GABRA3: variants seen among roughly 807,000 people sequenced by gnomAD.
The protein encoded by GABRA3 is gamma-aminobutyric acid type A receptor subunit alpha3.
GABRA3 carries 10 observed loss-of-function variants against 30.1 expected under a neutral mutation model. The ratio of observed to expected loss-of-function variants is 0.33; its 90% CI spans 0.20 to 0.56. The LOEUF (loss-of-function observed/expected upper bound fraction) is 0.56, where lower values mean the gene tolerates loss of function less well. Among genes scored for constraint, GABRA3 ranks in the 20% least tolerant of loss-of-function variants. The pLI is 0.89. For synonymous variants in GABRA3, 151 were observed against 146.8 expected (o/e 1.03, Z -0.21); for missense variants, 233 against 392.0 (o/e 0.59, Z 3.42).
At chrX:152,307,838 G>A (rs918264872) in intron 3 of GABRA3, among the ~76,000 whole-genome samples, 1 of 111,989 alleles carries the variant, frequency 8.9e-6, no homozygotes, top group African/African-American at 3.2e-5. Flanking sequence ...AACTGGGGGA[G>A]AACCCATGAC....
chrX:152,171,447 A>C, intron 9 of GABRA3: 1 of 451,309 alleles, frequency 2.2e-6, no homozygotes, highest in Non-Finnish European at 2.8e-6. Context: ...GAAGGAAATC[A>C]AAGCAAAATT....
At chrX:152,178,483 T>G (rs2124332323) in intron 9 of GABRA3, among the ~76,000 whole-genome samples, 1 of 111,634 alleles carries the variant, frequency 9.0e-6, no homozygotes, top group South Asian at 3.7e-4. Flanking sequence ...GACAAGAAAC[T>G]AAGCTTTTCC....
At chrX:152,204,284 C>A (rs1446013952) in intron 7 of GABRA3, among the ~76,000 whole-genome samples, 3 of 111,637 alleles carry the variant, frequency 2.7e-5, no homozygotes, top group Non-Finnish European at 5.7e-5. Context: ...GGAACTGCTC[C>A]TTTTCAGTAT....
At chrX:152,184,711 T>C (rs1937230755) in intron 9 of GABRA3, among the ~76,000 whole-genome samples, 1 of 111,665 alleles carries the variant, frequency 9.0e-6, no homozygotes, top group Non-Finnish European at 1.9e-5. Flanking sequence ...CATTCTTCTA[T>C]AGCTATGTTA....
intron 1 of GABRA3, among the ~76,000 whole-genome samples, chrX:152,411,481 GAAAAAA>G (rs768869449): frequency 1.8e-5 from 2 of 111,622 alleles, no homozygotes; most frequent in Non-Finnish European, 3.8e-5. Context: ...AGAGAAAAAA[GAAAAAA>G]ATAATGAAGA....
At chrX:152,267,606 G>C (rs1268507037) in intron 4 of GABRA3, among the ~76,000 whole-genome samples, 1 of 110,994 alleles carries the variant, frequency 9.0e-6, no homozygotes, top group Non-Finnish European at 1.9e-5. Flanking sequence ...TTAAATGTTT[G>C]CTGGAATTAA....
chrX:152,324,932 G>C (rs1940028230), intron 3 of GABRA3, among the ~76,000 whole-genome samples: 1 of 111,693 alleles, frequency 9.0e-6, no homozygotes, highest in African/African-American at 3.3e-5. Context: ...AAGCCAAGTG[G>C]GCAATGCCAT....
intron 9 of GABRA3, 45 bp from the exon 10 acceptor site, chrX:152,168,608 A>G (rs750052585): frequency 2.0e-6 from 2 of 1,010,488 alleles, no homozygotes; most frequent in African/African-American, 1.9e-5. Flanking sequence ...AAAAAAGCAA[A>G]GCTAATTAAT....
At chrX:152,195,514 G>T in intron 8 of GABRA3, among the ~76,000 whole-genome samples, 1 of 112,167 alleles carries the variant, frequency 8.9e-6, no homozygotes, top group Non-Finnish European at 1.9e-5. Flanking sequence ...CCAGTGTCAA[G>T]GTGTCAGCAG....
intron 3 of GABRA3, among the ~76,000 whole-genome samples, chrX:152,303,884 G>A (rs1323798754): frequency 1.8e-5 from 2 of 110,957 alleles, no homozygotes; most frequent in East Asian, 2.9e-4. Context: ...CCTAGATGAC[G>A]GGTTGATAAG....
At position 152,318,558 on chromosome X, in the gene GABRA3, T is replaced by C. The variant is rs182179509; in HGVS notation, c.262+27023A>G. Among the ~76,000 whole-genome samples, 18 of 111,203 alleles carry C rather than the reference T, an allele frequency of 1.6e-4. 1 individual carries two copies. The highest frequency in any genetic ancestry group is 5.2e-4 in the African/African-American group (16 of 30,600). ...TACAGACCAATATCCATGATGAACATAGATGCAAAAATCCCTAACAAAATA... is the reference window on the plus strand; with the variant it reads ...TACAGACCAATATCCATGATGAACACAGATGCAAAAATCCCTAACAAAATA... On this transcript the variant is annotated intron_variant, in intron 3 of 9. Transcript: ENST00000370314.
chrX:152,396,278 G>A (rs561919978), intron 1 of GABRA3, among the ~76,000 whole-genome samples: 2 of 111,966 alleles, frequency 1.8e-5, no homozygotes, highest in African/African-American at 3.2e-5. Flanking sequence ...TGCTAGGCTC[G>A]AGAGAGAGCA....
chrX:152,204,130 G>C (rs1937513977), intron 7 of GABRA3, among the ~76,000 whole-genome samples: 1 of 111,224 alleles, frequency 9.0e-6, no homozygotes, highest in South Asian at 3.8e-4. Context: ...AGGAGAGGTA[G>C]GGGCAATGGA....
At chrX:152,445,585 T>A (rs1194323026) in intron 1 of GABRA3, among the ~76,000 whole-genome samples, 3 of 111,756 alleles carry the variant, frequency 2.7e-5, no homozygotes, top group Non-Finnish European at 5.6e-5. Context: ...ACCTTCAGAA[T>A]TCTGTATAAA....
intron 1 of GABRA3, among the ~76,000 whole-genome samples, chrX:152,445,683 A>G (rs750805194): frequency 1.8e-5 from 2 of 111,756 alleles, no homozygotes; most frequent in East Asian, 5.6e-4. Context: ...CATGAACTAT[A>G]GAACCTTACA....
chrX:152,419,605 T>C (rs1423323753), intron 1 of GABRA3, among the ~76,000 whole-genome samples: 1 of 111,730 alleles, frequency 9.0e-6, no homozygotes, highest in Admixed American at 9.5e-5. Flanking sequence ...TTAAAGAAAT[T>C]GAATCTATCA....
intron 1 of GABRA3, chrX:152,392,072 G>T (rs889558460): frequency 7.1e-5 from 17 of 240,660 alleles, no homozygotes; most frequent in Non-Finnish European, 1.3e-4. Context: ...TTAAATAGGA[G>T]AACTGGGATT....
At chrX:152,220,263 C>T (rs2124377518) in intron 6 of GABRA3, among the ~76,000 whole-genome samples, 1 of 111,626 alleles carries the variant, frequency 9.0e-6, no homozygotes, top group South Asian at 3.7e-4. Flanking sequence ...ATATTAAAGA[C>T]TTTTAACAGC....
rs948280177 is a variant in GABRA3, at chrX:152,301,102, A to T, written c.263-16367T>A. ...AATCAAACTGCTAAATACCAAAGTA[A>T]AGAAAGATCTTGAAAGAAGATATTG... On this transcript the variant is annotated intron_variant, in intron 3 of 9. Transcript: ENST00000370314. 5.4e-5 allele frequency among the ~76,000 whole-genome samples: 6 copies of T among 112,085 alleles called. 1 individual carries two copies. In the East Asian group the frequency reaches 1.4e-3, roughly 26 times the overall value.
Sources: allele counts gnomAD v4.1 joint callset (sites outside exome capture counted in the v4.1 genomes callset), GRCh38; gene constraint gnomAD v4.1.1; transcripts MANE v1.5; gene names NCBI Gene and HGNC (gene_info 2026-07-23, HGNC 2026-07-21).